Variants in AGO4 observed in about 807,000 individuals in gnomAD.
AGO4 encodes argonaute RISC component 4, also known as protein argonaute-4.
A neutral mutation model predicts 104.7 loss-of-function variants in AGO4; 33 were observed. That is an observed-to-expected ratio of 0.32 (90% CI 0.24 to 0.42). The LOEUF (loss-of-function observed/expected upper bound fraction) is 0.42, where lower values mean the gene tolerates loss of function less well. Ranked by LOEUF, AGO4 falls within the 10% of genes least tolerant of loss-of-function variation. The pLI is 1.00. For missense variants in AGO4, 711 were observed against 1,083.4 expected, an observed-to-expected ratio of 0.66 and a Z score of 4.83; for synonymous variants, 331 against 364.7, an observed-to-expected ratio of 0.91 and a Z score of 1.05.
At chr1:35,822,170 A>G (rs116324086) in intron 2 of AGO4, among the ~76,000 whole-genome samples, 8,729 of 151,682 alleles carry the variant, frequency 0.058, 304 homozygotes, top group South Asian at 0.067. Flanking sequence ...ATGAGCCACC[A>G]CGCCCAGCCA....
intron 1 of AGO4, among the ~76,000 whole-genome samples, chr1:35,816,301 A>G (rs1427088338): frequency 6.6e-6 from 1 of 152,198 alleles, no homozygotes; most frequent in African/African-American, 2.4e-5. Flanking sequence ...AAGATTTTAT[A>G]CTGTAGCCTA....
chr1:35,829,233 C>A (rs1030294002), intron 7 of AGO4, among the ~76,000 whole-genome samples: 1 of 151,122 alleles, frequency 6.6e-6, no homozygotes, highest in African/African-American at 2.4e-5. Context: ...CTCATGTACA[C>A]ACTACATGAA....
At chr1:35,811,645 C>T (rs778922307) in intron 1 of AGO4, among the ~76,000 whole-genome samples, 1 of 151,262 alleles carries the variant, frequency 6.6e-6, no homozygotes, top group Non-Finnish European at 1.5e-5. Context: ...GCTGTGTCGC[C>T]CAGGCTGGAG....
chr1:35,844,736 C>T (rs945102537), intron 15 of AGO4, among the ~76,000 whole-genome samples: 2 of 152,156 alleles, frequency 1.3e-5, no homozygotes, highest in South Asian at 2.1e-4. Context: ...TTTTTCAAAA[C>T]GTCACTCTTT....
At chr1:35,829,020 AGCC>A (rs1644107251) in intron 7 of AGO4, among the ~76,000 whole-genome samples, 1 of 149,444 alleles carries the variant, frequency 6.7e-6, no homozygotes, top group African/African-American at 2.4e-5. Flanking sequence ...GGTTACTCAG[AGCC>A]CCCCCCCCCA....
chr1:35,837,879 G>A (rs569616897), intron 13 of AGO4, among the ~76,000 whole-genome samples: 1 of 151,580 alleles, frequency 6.6e-6, no homozygotes, highest in Admixed American at 6.6e-5. Flanking sequence ...CTAAATTGTG[G>A]GTTTTCTGTT....
chr1:35,835,448 A>G (rs1379009658), intron 12 of AGO4, among the ~76,000 whole-genome samples: 1 of 152,196 alleles, frequency 6.6e-6, no homozygotes, highest in Non-Finnish European at 1.5e-5. Context: ...ACAAAACAAA[A>G]CAAAATAAAA....
chr1:35,842,468 C>T (rs1644468319), intron 15 of AGO4, among the ~76,000 whole-genome samples: 1 of 152,208 alleles, frequency 6.6e-6, no homozygotes, highest in Non-Finnish European at 1.5e-5. Context: ...AATTACTCAA[C>T]TTCTCTAAGC....
intron 2 of AGO4, among the ~76,000 whole-genome samples, chr1:35,821,893 AT>A (rs765355292): frequency 2.8e-3 from 397 of 144,200 alleles, no homozygotes; most frequent in Middle Eastern, 3.7e-3. Context: ...TTGAATAAGG[AT>A]TTTTTTTTTT....
chr1:35,833,962 A>C lies in AGO4; in HGVS notation c.1380-28A>C, dbSNP rs1020823691. 1.1e-5 allele frequency: 16 copies of C among 1,423,926 alleles called. No individual in the cohort carries two copies. The African/African-American group carries it at 2.0e-4, about 18-fold the overall frequency. The allele number at this position is 1,423,926 out of a possible 1,614,324, so 88.2% of individuals were successfully genotyped here. ...TAGAAATGTACTCTGAAATGAAAAA[A>C]ACCGTGTTACTGGTTCTATTTTAAC... On this transcript the variant is annotated intron_variant, in intron 11 of 17. Coordinates refer to ENST00000373210, the MANE Select transcript of AGO4 (RefSeq NM_017629.4).
At chr1:35,837,887 GT>G (rs1165824543) in intron 13 of AGO4, among the ~76,000 whole-genome samples, 2 of 151,492 alleles carry the variant, frequency 1.3e-5, no homozygotes, top group African/African-American at 4.9e-5. Flanking sequence ...TGGGTTTTCT[GT>G]TTTTTTCTTT....
chr1:35,845,641 T>A (rs1644555305), intron 15 of AGO4, among the ~76,000 whole-genome samples: 1 of 152,220 alleles, frequency 6.6e-6, no homozygotes, highest in African/African-American at 2.4e-5. Flanking sequence ...TCTGGGCGAA[T>A]TCCCTTGCTT....
At chr1:35,821,261 G>A (rs908064389) in intron 2 of AGO4, among the ~76,000 whole-genome samples, 1 of 152,158 alleles carries the variant, frequency 6.6e-6, no homozygotes, top group Non-Finnish European at 1.5e-5. Context: ...CTTTAAAATG[G>A]AGATTGTACG....
chr1:35,816,840 G>GAA, intron 1 of AGO4, 42 bp from the exon 2 acceptor site: 25 of 1,185,914 alleles, frequency 2.1e-5, no homozygotes, highest in South Asian at 1.3e-4. Context: ...GAAAGAAAAA[G>GAA]AAAAAAAAAA....
chr1:35,820,684 A>T (rs1643871648), intron 2 of AGO4, among the ~76,000 whole-genome samples: 1 of 151,430 alleles, frequency 6.6e-6, no homozygotes, highest in African/African-American at 2.4e-5. Context: ...TTTTTTTAGG[A>T]TGAGAGAAAT....
In AGO4 at chr1:35,832,176, T is replaced by C. The variant is rs1195896562; in HGVS notation, c.1236T>C (p.Tyr412=). 1 of 1,612,858 alleles carries C rather than the reference T, an allele frequency of 6.2e-7. No homozygotes were observed. Among genetic ancestry groups the C allele is most frequent in the Non-Finnish European group, 8.5e-7 (1 of 1,179,686 alleles). The change falls in exon 10 of 18, where the codon TAT becomes TAC. Residue 412 remains tyrosine, a synonymous_variant. Coordinates refer to ENST00000373210, the MANE Select transcript of AGO4 (RefSeq NM_017629.4). ...TACTTCCAGCACCAATGCTGCAATA[T>C]GGAGGCCGGGTAAGCTTTTTATTTT... The part of the protein sequence containing the change: ...GRVLPAPMLQ[Y]GGRNKTVATP...
At chr1:35,840,202 G>A (rs1422424048) in intron 13 of AGO4, among the ~76,000 whole-genome samples, 1 of 151,768 alleles carries the variant, frequency 6.6e-6, no homozygotes, top group African/African-American at 2.4e-5. Flanking sequence ...CTGTCACCCA[G>A]GCTGGAGTGC....
In AGO4 at chr1:35,831,511, A is replaced by AT; in HGVS notation, c.934dup (p.Tyr312LeufsTer24). 1 of 1,614,170 alleles carries AT rather than the reference A, an allele frequency of 6.2e-7. No individual in the cohort carries two copies. Among genetic ancestry groups the AT allele is most frequent in the Non-Finnish European group, 8.5e-7 (1 of 1,180,028 alleles). On this transcript the variant is annotated frameshift_variant, in exon 8 of 18. Coordinates refer to ENST00000373210, the MANE Select transcript of AGO4 (RefSeq NM_017629.4). LOFTEE classifies it high-confidence loss of function. ...AGCAAAAGTATAGTCTGCAACTGAA[A>AT]TACCCCCATCTTCCCTGTCTCCAAG...
chr1:35,846,270 C>G (rs1213669454), intron 15 of AGO4, among the ~76,000 whole-genome samples: 1 of 152,020 alleles, frequency 6.6e-6, no homozygotes, highest in Non-Finnish European at 1.5e-5. Context: ...AATTCTTTGC[C>G]CCATTTCCAG....
Sources: allele counts gnomAD v4.1 joint callset (sites outside exome capture counted in the v4.1 genomes callset), GRCh38; gene constraint gnomAD v4.1.1; transcripts MANE v1.5; gene names NCBI Gene and HGNC (gene_info 2026-07-23, HGNC 2026-07-21).